PHACTR1: variants seen among roughly 807,000 people sequenced by gnomAD.
PHACTR1 encodes RPEL repeat containing 1.
A neutral mutation model predicts 69.2 loss-of-function variants in PHACTR1; 16 were observed. The observed-to-expected ratio is 0.23, with a 90% CI of 0.16 to 0.35. The LOEUF is 0.35. PHACTR1 is among the 10% of genes least tolerant of loss of function. The pLI, the probability that PHACTR1 is intolerant of heterozygous loss-of-function variation, is 1.00. For missense variants in PHACTR1, 510 were observed against 734.7 expected (o/e 0.69, Z 3.54); for synonymous variants, 312 against 284.5 (o/e 1.10, Z -0.97).
intron 5 of PHACTR1, among the ~76,000 whole-genome samples, chr6:13,082,985 T>C (rs1042745182): frequency 1.3e-5 from 2 of 152,236 alleles, no homozygotes; most frequent in Non-Finnish European, 2.9e-5. Flanking sequence ...TTTGTTGCCA[T>C]TGCTTTTGGA....
At chr6:13,210,245 T>C (rs1252007593) in intron 8 of PHACTR1, among the ~76,000 whole-genome samples, 4 of 152,074 alleles carry the variant, frequency 2.6e-5, no homozygotes, top group Non-Finnish European at 5.9e-5. Flanking sequence ...GAACTCATAG[T>C]CTAAAGTGAT....
chr6:12,810,828 C>G (rs1234207442), intron 4 of PHACTR1, among the ~76,000 whole-genome samples: 1 of 152,172 alleles, frequency 6.6e-6, no homozygotes, highest in African/African-American at 2.4e-5. Context: ...CTTCTTTGCC[C>G]CTGCACTATG....
chr6:12,787,039 C>T (rs542323845), intron 4 of PHACTR1, among the ~76,000 whole-genome samples: 1 of 152,234 alleles, frequency 6.6e-6, no homozygotes, highest in African/African-American at 2.4e-5. Flanking sequence ...ATCACTGAAG[C>T]AATGGAAAGT....
Position 13,030,630 on chromosome 6 carries a change from G to T in PHACTR1, c.251-22735G>T, listed in dbSNP as rs6911013. ...AATGTTAAAGCCAGTCAAGGCATTTGCTTTTCAAAATGATCTGTTTGTATT... is the reference window on the plus strand; with the variant it reads ...AATGTTAAAGCCAGTCAAGGCATTTTCTTTTCAAAATGATCTGTTTGTATT... On this transcript the variant is annotated intron_variant, in intron 4 of 14. Transcript: ENST00000332995. Among the ~76,000 whole-genome samples, 261 of 152,314 alleles carry T rather than the reference G, an allele frequency of 1.7e-3. 1 individual carries two copies. The highest frequency in any genetic ancestry group is 6.2e-3 in the African/African-American group (256 of 41,580).
chr6:12,999,473 C>G (rs2127620232), intron 4 of PHACTR1, among the ~76,000 whole-genome samples: 1 of 152,018 alleles, frequency 6.6e-6, no homozygotes, highest in African/African-American at 2.4e-5. Context: ...GGTGGCAGGC[C>G]CCTGTAATTC....
intron 4 of PHACTR1, among the ~76,000 whole-genome samples, chr6:12,958,272 C>A (rs1792155938): frequency 6.6e-6 from 1 of 152,186 alleles, no homozygotes; most frequent in African/African-American, 2.4e-5. Context: ...TGATGATTTT[C>A]AAAGGAGATT....
At chr6:13,038,662 TC>T (rs1803712978) in intron 4 of PHACTR1, among the ~76,000 whole-genome samples, 1 of 152,292 alleles carries the variant, frequency 6.6e-6, no homozygotes, top group Non-Finnish European at 1.5e-5. Context: ...GCAAGTTACT[TC>T]TTTGCATTAG....
rs1030898379 is a variant in PHACTR1 at position 13,044,604 on chromosome 6, AGAG to A, written c.251-8754_251-8752del. On this transcript the variant is annotated intron_variant, in intron 4 of 14. Coordinates refer to ENST00000332995, the MANE Select transcript of PHACTR1 (RefSeq NM_030948.6). ...TTCCTGAACCACCCAGAGTGCGAGG[AGAG>A]GAGGAGTGACTCTCCAGAGGAGAAT... Among the ~76,000 whole-genome samples the A allele has an allele frequency of 1.6e-4, 24 of 152,136 alleles. No individual in the cohort carries two copies. The South Asian group carries it at 2.9e-3, about 19-fold the overall frequency.
At chr6:13,098,710 T>C (rs1814667769) in intron 5 of PHACTR1, among the ~76,000 whole-genome samples, 1 of 152,202 alleles carries the variant, frequency 6.6e-6, no homozygotes, top group Non-Finnish European at 1.5e-5. Context: ...GAACACCTCA[T>C]TGTCTACCAC....
intron 5 of PHACTR1, among the ~76,000 whole-genome samples, chr6:13,074,991 T>G (rs1317425466): frequency 6.6e-6 from 1 of 152,248 alleles, no homozygotes; most frequent in Non-Finnish European, 1.5e-5. Context: ...AAGAAACATT[T>G]GAGTGTGGTG....
intron 4 of PHACTR1, among the ~76,000 whole-genome samples, chr6:12,998,761 A>G (rs949174837): frequency 2.0e-5 from 3 of 152,204 alleles, no homozygotes; most frequent in Non-Finnish European, 4.4e-5. Flanking sequence ...TACTACACAT[A>G]AAGCCAAAAA....
At chr6:13,192,067 T>C (rs755214169) in intron 7 of PHACTR1, among the ~76,000 whole-genome samples, 3 of 152,252 alleles carry the variant, frequency 2.0e-5, no homozygotes, top group East Asian at 1.9e-4. Context: ...TCAGCACTTA[T>C]GTTTTCAATG....
intron 4 of PHACTR1, among the ~76,000 whole-genome samples, chr6:12,778,629 G>A (rs1267819948): frequency 6.6e-6 from 1 of 152,166 alleles, no homozygotes; most frequent in African/African-American, 2.4e-5. Context: ...CTTAGATAAT[G>A]TGGAGAATCT....
intron 3 of PHACTR1, among the ~76,000 whole-genome samples, chr6:12,722,550 G>A (rs1762258345): frequency 6.6e-6 from 1 of 152,242 alleles, no homozygotes; most frequent in Admixed American, 6.5e-5. Context: ...AGGAATCCAG[G>A]AGGGTGAGAA....
intron 5 of PHACTR1, among the ~76,000 whole-genome samples, chr6:13,057,001 TG>T (rs1475810344): frequency 6.6e-6 from 1 of 152,092 alleles, no homozygotes; most frequent in Non-Finnish European, 1.5e-5. Context: ...GAGTTCAGTG[TG>T]GGGGAAGGGA....
At chr6:13,230,305 A>G (rs1161641821) in intron 10 of PHACTR1, 112 bp downstream of exon 10, 1 of 1,528,336 alleles carries the variant, frequency 6.5e-7, no homozygotes. Context: ...TAATCCCAGC[A>G]CTTTGGGAGG....
At chr6:13,097,428 A>G (rs1814447709) in intron 5 of PHACTR1, among the ~76,000 whole-genome samples, 1 of 151,924 alleles carries the variant, frequency 6.6e-6, no homozygotes, top group Admixed American at 6.6e-5. Flanking sequence ...TCATTGTGGT[A>G]ATTTATTTTT....
intron 5 of PHACTR1, among the ~76,000 whole-genome samples, chr6:13,095,613 A>G (rs1220321759): frequency 6.6e-5 from 10 of 152,320 alleles, no homozygotes; most frequent in African/African-American, 2.4e-4. Flanking sequence ...CAAAACATAA[A>G]TCTGCTCACA....
At chr6:12,975,789 G>A (rs1390080695) in intron 4 of PHACTR1, among the ~76,000 whole-genome samples, 1 of 152,174 alleles carries the variant, frequency 6.6e-6, no homozygotes, top group African/African-American at 2.4e-5. Flanking sequence ...ACTAAACGCT[G>A]TTGCCCAGGT....
Sources: allele counts gnomAD v4.1 joint callset (sites outside exome capture counted in the v4.1 genomes callset), GRCh38; gene constraint gnomAD v4.1.1; transcripts MANE v1.5; gene names NCBI Gene and HGNC (gene_info 2026-07-23, HGNC 2026-07-21).